The following KALRN variants were observed in gnomAD, a reference collection of about 807,000 sequenced individuals.
KALRN encodes kalirin RhoGEF kinase.
KALRN carries 70 observed loss-of-function variants against 353.7 expected under a neutral mutation model. The ratio of observed to expected loss-of-function variants is 0.20; its 90% CI spans 0.16 to 0.24. The LOEUF (loss-of-function observed/expected upper bound fraction) is 0.24, where lower values mean the gene tolerates loss of function less well. KALRN is among the 10% of genes least tolerant of loss of function. The pLI, the probability that KALRN is intolerant of heterozygous loss-of-function variation, is 1.00. For synonymous variants in KALRN, 1,391 were observed against 1,434.8 expected, an observed-to-expected ratio of 0.97 and a Z score of 0.69; for missense variants, 2,791 against 3,756.7, an observed-to-expected ratio of 0.74 and a Z score of 6.72.
chr3:124,411,034 A>G (rs1011936211), intron 13 of KALRN, among the ~76,000 whole-genome samples: 1 of 152,218 alleles, frequency 6.6e-6, no homozygotes, highest in African/African-American at 2.4e-5. Flanking sequence ...AATGAACTAA[A>G]CATACACACA....
intron 3 of KALRN, among the ~76,000 whole-genome samples, chr3:124,254,077 A>C (rs1237911624): frequency 6.6e-6 from 1 of 152,226 alleles, no homozygotes; most frequent in Admixed American, 6.5e-5. Flanking sequence ...GCCAGAGCAC[A>C]GTGGAAACCA....
intron 10 of KALRN, among the ~76,000 whole-genome samples, chr3:124,371,249 T>A (rs2085791626): frequency 6.6e-6 from 1 of 152,222 alleles, no homozygotes; most frequent in Admixed American, 6.5e-5. Context: ...ATAGTTTCCT[T>A]TTAAGTACTA....
intron 1 of KALRN, among the ~76,000 whole-genome samples, chr3:124,193,604 A>G (rs1560196317): frequency 6.6e-6 from 1 of 151,892 alleles, no homozygotes; most frequent in African/African-American, 2.4e-5. Flanking sequence ...ATCAAATTTA[A>G]TGTTCATTCT....
chr3:124,717,956 C>A (rs142039223), intron 59 of KALRN, among the ~76,000 whole-genome samples: 2 of 151,430 alleles, frequency 1.3e-5, no homozygotes, highest in Admixed American at 1.3e-4. Context: ...GGATTACAGG[C>A]GCTCACCACC....
rs1266338957 is a variant in KALRN at position 124,633,862 on chromosome 3, G to A, written c.5477G>A (p.Gly1826Asp). 6 of 1,613,818 alleles carry A rather than the reference G, an allele frequency of 3.7e-6. No homozygotes were observed. Among genetic ancestry groups the A allele is most frequent in the Non-Finnish European group, 5.1e-6 (6 of 1,179,936 alleles). Residue 1826 changes from glycine to aspartate, a missense_variant, in exon 36 of 60, where the codon GGT becomes GAT. By Grantham distance (94) the Gly-to-Asp change is moderately conservative. Transcript: ENST00000682506. Reference protein sequence around the residue: ...QGDSADESKKGWGEDEPDEES... With the variant: ...QGDSADESKKDWGEDEPDEES... ...CTTTTGTTCTAGAAGAGCAAGAAAG[G>A]TTGGGGTGAAGATGAGCCGGATGAA... is the stretch of plus-strand genomic sequence containing the variant.
At chr3:124,325,920 A>G in intron 6 of KALRN, 60 bp from the exon 7 acceptor site, 4 of 1,440,164 alleles carry the variant, frequency 2.8e-6, no homozygotes, top group East Asian at 4.6e-5. Context: ...GTACCCCACG[A>G]AAGTGCTCAG....
chr3:124,047,492 T>C (rs1412420132), intron 1 of KALRN, among the ~76,000 whole-genome samples: 2 of 27,794 alleles, frequency 7.2e-5, no homozygotes, highest in South Asian at 1.8e-3. Context: ...CATAGAACAC[T>C]TTTTTTTTTT....
intron 3 of KALRN, among the ~76,000 whole-genome samples, chr3:124,248,437 C>T (rs1444217683): frequency 6.6e-6 from 1 of 152,196 alleles, no homozygotes; most frequent in African/African-American, 2.4e-5. Context: ...GAGCCTTCTG[C>T]CAGGGGACGG....
intron 54 of KALRN, among the ~76,000 whole-genome samples, chr3:124,696,615 A>G (rs1311855300): frequency 6.6e-6 from 1 of 152,222 alleles, no homozygotes; most frequent in Non-Finnish European, 1.5e-5. Context: ...TCCAAGGCTA[A>G]CGCAATCCTC....
chr3:124,266,419 GA>G (rs2073557426), intron 4 of KALRN, among the ~76,000 whole-genome samples: 1 of 151,904 alleles, frequency 6.6e-6, no homozygotes, highest in Non-Finnish European at 1.5e-5. Context: ...CATAATCAAG[GA>G]AAACATGTTT....
At position 124,498,022 on chromosome 3, in the gene KALRN, G is replaced by A. The variant is rs573438122; in HGVS notation, c.4935+1609G>A. Among the ~76,000 whole-genome samples the A allele has an allele frequency of 1.8e-4, 27 of 152,312 alleles. No homozygotes were observed. In the South Asian group the frequency reaches 5.6e-3, roughly 32 times the overall value. ...ATTTTACTATTAATGAGGGGTCCTA[G>A]TACTTAGACTTTATTCTACAAGTAA... is the stretch of plus-strand genomic sequence containing the variant. On this transcript the variant is annotated intron_variant, in intron 33 of 59. Coordinates refer to ENST00000682506, the MANE Select transcript of KALRN (RefSeq NM_001388419.1).
intron 14 of KALRN, among the ~76,000 whole-genome samples, chr3:124,419,113 G>C (rs1462584852): frequency 6.6e-6 from 1 of 151,870 alleles, no homozygotes; most frequent in East Asian, 1.9e-4. Context: ...ATGTGAGGCA[G>C]AGTTGAGAGA....
intron 17 of KALRN, 128 bp downstream of exon 17, chr3:124,434,653 T>C: frequency 3.9e-6 from 3 of 778,708 alleles, no homozygotes; most frequent in South Asian, 1.8e-5. Flanking sequence ...ATTTGAAGAA[T>C]AGTTTGTGGA....
chr3:124,379,846 A>T (rs2087094581), intron 10 of KALRN, among the ~76,000 whole-genome samples: 2 of 152,180 alleles, frequency 1.3e-5, no homozygotes, highest in Admixed American at 6.5e-5. Context: ...TACTATTCAA[A>T]TGTAAGGTTT....
intron 34 of KALRN, among the ~76,000 whole-genome samples, chr3:124,574,646 C>G (rs2073904956): frequency 6.6e-6 from 1 of 152,212 alleles, no homozygotes; most frequent in South Asian, 2.1e-4. Flanking sequence ...CCCCAGCAAA[C>G]AGAATGTTCC....
chr3:124,366,414 GC>G (rs2084700892), intron 10 of KALRN, among the ~76,000 whole-genome samples: 1 of 149,052 alleles, frequency 6.7e-6, no homozygotes, highest in Non-Finnish European at 1.5e-5. Flanking sequence ...CTCTTAACGA[GC>G]ATGCTGCTTT....
At position 124,495,990 on chromosome 3, in the gene KALRN, T is replaced by TATAC. The variant is rs2063754605; in HGVS notation, c.4833-318_4833-317insCATA. Among the ~76,000 whole-genome samples the TATAC allele has an allele frequency of 3.4e-5, 2 of 58,532 alleles. 1 individual carries two copies. The highest frequency in any genetic ancestry group is 1.7e-4 in the African/African-American group (2 of 11,594). The allele number at this position is 58,532 out of a possible 152,430, so 38.4% of individuals were successfully genotyped here. ...GTATATATATATATATATATATATA[T>TATAC]ATATATATATATATATATATATACA... On this transcript the variant is annotated intron_variant, in intron 32 of 59. Transcript: ENST00000682506.
chr3:124,117,925 T>A (rs964807804), intron 1 of KALRN, among the ~76,000 whole-genome samples: 1 of 152,250 alleles, frequency 6.6e-6, no homozygotes, highest in Non-Finnish European at 1.5e-5. Flanking sequence ...GCTTTAGCAT[T>A]GTAAATCTTT....
chr3:124,051,870 G>A (rs142565728), intron 1 of KALRN, among the ~76,000 whole-genome samples: 1 of 152,172 alleles, frequency 6.6e-6, no homozygotes, highest in African/African-American at 2.4e-5. Context: ...CAGATGGTTG[G>A]GTTCAAGTGG....
Sources: allele counts gnomAD v4.1 joint callset (sites outside exome capture counted in the v4.1 genomes callset), GRCh38; gene constraint gnomAD v4.1.1; transcripts MANE v1.5; gene names NCBI Gene and HGNC (gene_info 2026-07-23, HGNC 2026-07-21).